Variants in MOSPD3 observed in about 807,000 individuals in gnomAD.
The protein encoded by MOSPD3 is motile sperm domain containing 3, also known as motile sperm domain-containing protein 3.
MOSPD3 carries 20 observed loss-of-function variants against 23.3 expected under a neutral mutation model. That is an observed-to-expected ratio of 0.86 (90% CI 0.61 to 1.25). The LOEUF is 1.25. Ranked by LOEUF, MOSPD3 falls within the 50% of genes most tolerant of loss-of-function variation. The pLI is 0.00. For missense variants in MOSPD3, 307 were observed against 315.7 expected (o/e 0.97, Z 0.21); for synonymous variants, 136 against 135.2 (o/e 1.01, Z -0.04).
chr7:100,612,163 G>A (rs1802840092), upstream of MOSPD3: 1 of 148,404 alleles, frequency 6.7e-6, no homozygotes, highest in Non-Finnish European at 1.5e-5. Flanking sequence ...CCGTACGGCG[G>A]AAGTATAGAA....
chr7:100,614,129 G>C (rs890749305), intron 3 of MOSPD3, among the ~76,000 whole-genome samples: 1 of 152,188 alleles, frequency 6.6e-6, no homozygotes, highest in African/African-American at 2.4e-5. Flanking sequence ...GACAGAGGCT[G>C]TAGGAAGGAG....
intron 3 of MOSPD3, chr7:100,613,925 A>G: frequency 1.7e-6 from 1 of 594,658 alleles, no homozygotes; most frequent in Non-Finnish European, 3.0e-6. Flanking sequence ...TTCTTCCTTG[A>G]CTGTAACCGC....
At position 100,615,283 on chromosome 7, in the gene MOSPD3, C is replaced by CT. The variant is rs1802967725; in HGVS notation, c.*103dup. The CT allele has an allele frequency of 2.7e-6, 3 of 1,092,390 alleles. No homozygotes were observed. Among genetic ancestry groups the CT allele is most frequent in the Middle Eastern group, 3.1e-4 (1 of 3,176 alleles). 67.7% of individuals were successfully genotyped at this position (1,092,390 alleles called of 1,614,324 possible). ...CTTACCTTGCCTCCTACCCTCTTCT[C>CT]TTTCCTGCCTACTCCCCACTCCTCC... On this transcript the variant is annotated 3_prime_UTR_variant, in exon 5 of 5. Coordinates refer to ENST00000393950, the MANE Select transcript of MOSPD3 (RefSeq NM_023948.5).
At chr7:100,613,134 C>A in intron 1 of MOSPD3, 60 bp from the exon 2 acceptor site, 1 of 1,592,686 alleles carries the variant, frequency 6.3e-7, no homozygotes, top group Non-Finnish European at 8.6e-7. Context: ...GGGCAGAAGG[C>A]AGAGGGGACT....
chr7:100,612,401 T>G, upstream of MOSPD3: 2 of 156,856 alleles, frequency 1.3e-5, no homozygotes, highest in Non-Finnish European at 2.8e-5. Context: ...GGAGTCTGGC[T>G]GGAGAGAGGA....
intron 2 of MOSPD3, 68 bp from the exon 3 acceptor site, chr7:100,613,409 G>A: frequency 6.4e-7 from 1 of 1,568,206 alleles, no homozygotes; most frequent in Non-Finnish European, 8.8e-7. Flanking sequence ...CTTCTGGGGG[G>A]AGGCCCAGAT....
In MOSPD3 at chr7:100,612,855, C is replaced by T. The variant is rs768201139; in HGVS notation, c.64C>T (p.Arg22Trp). Reference protein sequence around the residue: ...VGPGPPGRGSRGAPPPLGPVV... With the variant: ...VGPGPPGRGSWGAPPPLGPVV... The stretch of plus-strand genomic sequence containing the variant: ...TCCGGGGCCCCCTGGGCGGGGGTCC[C>T]GGGGCGCCCCTCCTCCCTTGGGACC... The change falls in exon 1 of 5, where the codon CGG (arginine) becomes TGG (tryptophan). Residue 22 changes from arginine (R) to tryptophan (W), a missense_variant. Transcript: ENST00000393950. 4.3e-6 allele frequency: 7 copies of T among 1,612,080 alleles called. No homozygotes were observed. The South Asian group carries it at 6.6e-5, about 15-fold the overall frequency.
In MOSPD3 at chr7:100,612,907, C is replaced by T. The variant is rs1802872069; in HGVS notation, c.116C>T (p.Pro39Leu). ...GPVVPVLVFP[P>L]DLVFRADQRS... is the part of the protein sequence containing the mutation. ...GTTGTCCCGGTCCTGGTCTTTCCCC[C>T]GGATCTAGTATTCAGGGCGGACCAG... Residue 39 changes from proline (P) to leucine (L), a missense_variant, in exon 1 of 5, where the codon CCG becomes CTG. Physicochemically the swap from Pro to Leu is moderately conservative, Grantham distance 98 (BLOSUM62 -3). Transcript: ENST00000393950. 6.2e-7 allele frequency: 1 copy of T among 1,613,604 alleles called. No homozygotes were observed. Among genetic ancestry groups the T allele is most frequent in the South Asian group, 1.1e-5 (1 of 91,060 alleles).
chr7:100,613,504 C>G lies in MOSPD3; in HGVS notation c.309C>G (p.Pro103=). Reference sequence around the variant, plus strand: ...TGATTCGCCATGTGGCACCCATTCCCAGCCACTATGATGTCCAGGACCGCT... The same window carrying G: ...TGATTCGCCATGTGGCACCCATTCCGAGCCACTATGATGTCCAGGACCGCT... ...DIVIRHVAPI[P]SHYDVQDRFR... is the part of the protein sequence containing the mutation. Residue 103 remains proline (P), a synonymous_variant, in exon 3 of 5, where the codon CCC becomes CCG. Transcript: ENST00000393950. The G allele has an allele frequency of 1.9e-6, 3 of 1,614,220 alleles. No individual in the cohort carries two copies. Among genetic ancestry groups the G allele is most frequent in the Non-Finnish European group, 2.5e-6 (3 of 1,180,028 alleles).
chr7:100,613,448 A>G, intron 2 of MOSPD3, 29 bp from the exon 3 acceptor site: 1 of 1,611,082 alleles, frequency 6.2e-7, no homozygotes, highest in South Asian at 1.1e-5. Flanking sequence ...CATTCACCCC[A>G]ATGGGCTTCT....
In MOSPD3 at chr7:100,613,571, G is replaced by C; in HGVS notation, c.376G>C (p.Val126Leu). The C allele has an allele frequency of 1.9e-6, 3 of 1,614,190 alleles. No individual in the cohort carries two copies. The highest frequency in any genetic ancestry group is 2.5e-6 in the Non-Finnish European group (3 of 1,180,030). The stretch of plus-strand genomic sequence containing the variant: ...TGAGGAAGGAGCTGAGGGCCGAGTG[G>C]TGGGACGCAAGGACATTACCTCCAT... ...LSEEGAEGRVVGRKDITSILR... is the reference protein window; with the variant it reads ...LSEEGAEGRVLGRKDITSILR... The change falls in exon 3 of 5, where the codon GTG becomes CTG. Residue 126 changes from valine to leucine, a missense_variant. By Grantham distance (32) the Val-to-Leu change is conservative. Transcript: ENST00000393950.
intron 3 of MOSPD3, 73 bp downstream of exon 3, chr7:100,613,779 T>C (rs1017113549): frequency 7.3e-7 from 1 of 1,369,436 alleles, no homozygotes; most frequent in Admixed American, 1.8e-5. Context: ...ATGAGATAAA[T>C]TGGATTTGAA....
chr7:100,613,248 A>G lies in MOSPD3; in HGVS notation c.260A>G (p.Lys87Arg). ...YTVFDAEGYV[K>R]PQSCIDIVIR... ...GTGTTTGACGCAGAGGGATATGTGA[A>G]GCCCCAGTCTTGCATTGACATGTGA... Residue 87 changes from lysine (K) to arginine (R), a missense_variant, in exon 2 of 5, where the codon AAG becomes AGG. Lys to Arg is a conservative substitution (Grantham distance 26). Transcript: ENST00000393950. The G allele has an allele frequency of 6.2e-7, 1 of 1,613,960 alleles. No homozygotes were observed. The highest frequency in any genetic ancestry group is 8.5e-7 in the Non-Finnish European group (1 of 1,179,944).
intron 1 of MOSPD3, 81 bp from the exon 2 acceptor site, chr7:100,613,113 T>A (rs1368965948): frequency 6.3e-7 from 1 of 1,579,920 alleles, no homozygotes; most frequent in African/African-American, 1.3e-5. Context: ...GAAAGTCATG[T>A]CCAGCCTCCG....
In MOSPD3 at chr7:100,613,580, A is replaced by G. The variant is rs201349078; in HGVS notation, c.385A>G (p.Lys129Glu). 8.7e-6 allele frequency: 14 copies of G among 1,614,156 alleles called. No individual in the cohort carries two copies. Among genetic ancestry groups the G allele is most frequent in the Non-Finnish European group, 1.1e-5 (13 of 1,180,036 alleles). The change falls in exon 3 of 5, where the codon AAG becomes GAG. Residue 129 changes from lysine (K) to glutamate (E), a missense_variant. Coordinates refer to ENST00000393950, the MANE Select transcript of MOSPD3 (RefSeq NM_023948.5). ...AGCTGAGGGCCGAGTGGTGGGACGC[A>G]AGGACATTACCTCCATTCTGAGAGC... ...EGAEGRVVGR[K>E]DITSILRAPA...
intron 2 of MOSPD3, 81 bp downstream of exon 2, chr7:100,613,350 C>T (rs1802890800): frequency 6.4e-7 from 1 of 1,550,822 alleles, no homozygotes; most frequent in Non-Finnish European, 8.9e-7. Context: ...AGACCTTGCC[C>T]CCTTTAACCT....
Position 100,613,272 on chromosome 7 carries a change from G to A in MOSPD3, c.281+3G>A, listed in dbSNP as rs760026605. The A allele has an allele frequency of 6.2e-7, 1 of 1,613,742 alleles. No homozygotes were observed. Among genetic ancestry groups the A allele is most frequent in the East Asian group, 2.2e-5 (1 of 44,880 alleles). On this transcript the variant is annotated splice_donor_region_variant and intron_variant, in intron 2 of 4. Transcript: ENST00000393950. ...AAGCCCCAGTCTTGCATTGACATGT[G>A]AGTGAGCTGGGAGGGTGGGGAGGCT...
chr7:100,615,269 T>A lies in MOSPD3; in HGVS notation c.*86T>A. The A allele has an allele frequency of 7.9e-7, 1 of 1,260,218 alleles. No individual in the cohort carries two copies. The highest frequency in any genetic ancestry group is 1.1e-6 in the Non-Finnish European group (1 of 902,246). The allele number at this position is 1,260,218 out of a possible 1,614,324, so 78.1% of individuals were successfully genotyped here. A position where few individuals can be genotyped will look rare whatever the true frequency, so the allele number is the denominator to read the frequency against. ...TGTGATGCTCATACCTTACCTTGCC[T>A]CCTACCCTCTTCTCTTTCCTGCCTA... On this transcript the variant is annotated 3_prime_UTR_variant, in exon 5 of 5. Transcript: ENST00000393950.
rs1400639036 is a variant in MOSPD3, at chr7:100,612,780, C to T, written c.-12C>T. 6.4e-7 allele frequency: 1 copy of T among 1,569,096 alleles called. No individual in the cohort carries two copies. The highest frequency in any genetic ancestry group is 1.4e-5 in the African/African-American group (1 of 72,710). On this transcript the variant is annotated 5_prime_UTR_variant, in exon 1 of 5. Coordinates refer to ENST00000393950, the MANE Select transcript of MOSPD3 (RefSeq NM_023948.5). ...AGCTCTGCCCTCGGATGTCCGACCG[C>T]CCAGAGCCTGCATGCGCCGTGGGGC...
Sources: allele counts gnomAD v4.1 joint callset (sites outside exome capture counted in the v4.1 genomes callset), GRCh38; gene constraint gnomAD v4.1.1; transcripts MANE v1.5; gene names NCBI Gene and HGNC (gene_info 2026-07-23, HGNC 2026-07-21).